The following PARP8 variants were observed in gnomAD, a reference collection of about 807,000 sequenced individuals.
PARP8 encodes the protein protein mono-ADP-ribosyltransferase PARP8.
Under a neutral mutation model 124.1 loss-of-function variants are expected in PARP8, and 51 were observed. The ratio of observed to expected loss-of-function variants is 0.41; its 90% CI spans 0.33 to 0.52. The LOEUF (loss-of-function observed/expected upper bound fraction) is 0.52, where lower values mean the gene tolerates loss of function less well. PARP8 is among the 20% of genes least tolerant of loss of function. The probability of loss-of-function intolerance (pLI) is 0.21; values close to 1 mark genes in which losing one functional copy is unlikely to be tolerated. For missense variants in PARP8, 860 were observed against 1,018.9 expected (o/e 0.84, Z 2.12); for synonymous variants, 391 against 361.5 (o/e 1.08, Z -0.93).
At chr5:50,759,617 A>G (rs767291690) in intron 3 of PARP8, 26 bp from the exon 4 acceptor site, 1 of 1,424,754 alleles carries the variant, frequency 7.0e-7, no homozygotes, top group South Asian at 1.4e-5. Context: ...TATGCCTTTC[A>G]TTATCTTTTT....
intron 10 of PARP8, among the ~76,000 whole-genome samples, chr5:50,791,909 A>T (rs2149641973): frequency 6.6e-6 from 1 of 152,302 alleles, no homozygotes; most frequent in East Asian, 1.9e-4. Context: ...TAATACCATT[A>T]ACTTGGTTTA....
intron 25 of PARP8, among the ~76,000 whole-genome samples, chr5:50,841,640 A>AT (rs910452415): frequency 3.3e-5 from 5 of 151,692 alleles, no homozygotes; most frequent in East Asian, 1.9e-4. Flanking sequence ...AAGCTGTTAT[A>AT]TTTTTTTATA....
upstream of PARP8, chr5:50,666,303 T>TC (rs147732631): frequency 6.6e-6 from 1 of 152,098 alleles, no homozygotes; most frequent in Non-Finnish European, 1.5e-5. Flanking sequence ...TCCCCCCTTT[T>TC]CCCCCTCCCA....
intron 2 of PARP8, among the ~76,000 whole-genome samples, chr5:50,673,780 G>C (rs1750310709): frequency 6.6e-6 from 1 of 152,212 alleles, no homozygotes; most frequent in Non-Finnish European, 1.5e-5. Context: ...AATTATGTAC[G>C]TTGGCTGTGG....
chr5:50,818,659 C>CA (rs1348890746), intron 15 of PARP8, among the ~76,000 whole-genome samples: 1 of 151,620 alleles, frequency 6.6e-6, no homozygotes, highest in African/African-American at 2.4e-5. Context: ...GATTACAGGC[C>CA]TGAGCCACCA....
chr5:50,813,706 C>A (rs1200364198), intron 14 of PARP8, among the ~76,000 whole-genome samples: 1 of 152,102 alleles, frequency 6.6e-6, no homozygotes, highest in African/African-American at 2.4e-5. Context: ...TTTTGCCCTT[C>A]AGTATGATAC....
intron 2 of PARP8, among the ~76,000 whole-genome samples, chr5:50,690,476 C>T (rs534984428): frequency 1.5e-4 from 23 of 152,290 alleles, no homozygotes; most frequent in African/African-American, 5.1e-4. Flanking sequence ...CTTTACCAAA[C>T]TCTTGGTTAT....
chr5:50,838,098 T>G (rs1439285704), intron 25 of PARP8, among the ~76,000 whole-genome samples: 1 of 152,074 alleles, frequency 6.6e-6, no homozygotes, highest in Non-Finnish European at 1.5e-5. Context: ...GTTTGATGAG[T>G]ATTTGCCCTC....
intron 14 of PARP8, among the ~76,000 whole-genome samples, chr5:50,804,790 GT>G (rs1270166360): frequency 6.6e-6 from 1 of 152,004 alleles, no homozygotes; most frequent in East Asian, 1.9e-4. Flanking sequence ...CGATTCTGAT[GT>G]TAGTTCTGTT....
chr5:50,717,129 T>C (rs1257377052), intron 2 of PARP8, among the ~76,000 whole-genome samples: 3 of 152,074 alleles, frequency 2.0e-5, no homozygotes, highest in Non-Finnish European at 4.4e-5. Context: ...AAATATATAC[T>C]GAATTATATA....
intron 17 of PARP8, 72 bp from the exon 18 acceptor site, chr5:50,824,836 T>G: frequency 7.8e-7 from 1 of 1,289,148 alleles, no homozygotes; most frequent in Non-Finnish European, 1.1e-6. Context: ...TCGTTTGGTC[T>G]GATTTTCCTT....
At chr5:50,683,878 A>G (rs1751563764) in intron 2 of PARP8, among the ~76,000 whole-genome samples, 3 of 152,352 alleles carry the variant, frequency 2.0e-5, no homozygotes, top group Middle Eastern at 6.8e-3. Flanking sequence ...AAATTTTAAG[A>G]AAGAAAGCCT....
intron 25 of PARP8, among the ~76,000 whole-genome samples, chr5:50,839,658 C>T (rs1203187224): frequency 7.0e-5 from 5 of 71,536 alleles, no homozygotes; most frequent in African/African-American, 2.3e-4. Flanking sequence ...TACTGTCTCT[C>T]TCTTTCTTTC....
intron 2 of PARP8, among the ~76,000 whole-genome samples, chr5:50,737,760 T>TAATA (rs1491331098): frequency 6.6e-6 from 1 of 152,116 alleles, no homozygotes; most frequent in East Asian, 1.9e-4. Flanking sequence ...ATCATAACTG[T>TAATA]CTTGTTAAAT....
chr5:50,794,271 A>C lies in PARP8; in HGVS notation c.802A>C (p.Asn268His). 1 of 1,613,732 alleles carries C rather than the reference A, an allele frequency of 6.2e-7. No homozygotes were observed. Among genetic ancestry groups the C allele is most frequent in the South Asian group, 1.1e-5 (1 of 91,056 alleles). Reference protein sequence around the residue: ...QSKEKSNCLHNKKLSEKKVKS... With the variant: ...QSKEKSNCLHHKKLSEKKVKS... The stretch of plus-strand genomic sequence containing the variant: ...CAAAGAAAAATCCAATTGCCTGCAC[A>C]ATAAAAAGTTGTCAGAGAAGAAAGT... The change falls in exon 11 of 26, where the codon AAT becomes CAT. Residue 268 changes from asparagine (N) to histidine (H), a missense_variant. By Grantham distance (68) the Asn-to-His change is moderately conservative. This residue lies in a region of PARP8 where 517 missense variants were observed against 544.2 expected (regional missense o/e 0.95). Coordinates refer to ENST00000281631, the MANE Select transcript of PARP8 (RefSeq NM_024615.4).
intron 1 of PARP8, chr5:50,667,587 C>G (rs1400267591): frequency 2.9e-6 from 2 of 699,658 alleles, no homozygotes; most frequent in Non-Finnish European, 2.6e-6. Context: ...GAGCCTGCTG[C>G]GCTGCGCTGC....
chr5:50,819,804 C>A (rs1303276871), intron 15 of PARP8, among the ~76,000 whole-genome samples: 1 of 151,936 alleles, frequency 6.6e-6, no homozygotes, highest in South Asian at 2.1e-4. Flanking sequence ...TCATTAGAGA[C>A]CAGATAATGC....
At chr5:50,780,386 G>A (rs1353849739) in intron 9 of PARP8, among the ~76,000 whole-genome samples, 1 of 152,126 alleles carries the variant, frequency 6.6e-6, no homozygotes, top group Admixed American at 6.6e-5. Context: ...TTAGGGTTAG[G>A]AATGAAATTG....
chr5:50,754,170 CACACACACACAT>C (rs200058706), intron 3 of PARP8, among the ~76,000 whole-genome samples: 46,989 of 96,916 alleles, frequency 0.48, 12,352 homozygotes, highest in East Asian at 0.62. Context: ...CACACACACA[CACACACACACAT>C]ATATATATAT....
Sources: allele counts gnomAD v4.1 joint callset (sites outside exome capture counted in the v4.1 genomes callset), GRCh38; gene constraint gnomAD v4.1.1; regional missense constraint gnomAD v4.1.1; transcripts MANE v1.5; gene names NCBI Gene and HGNC (gene_info 2026-07-23, HGNC 2026-07-21).